The following RAD51B variants were observed in gnomAD, a reference collection of about 807,000 sequenced individuals.
The protein encoded by RAD51B is DNA repair protein RAD51 homolog 2.
A neutral mutation model predicts 42.2 loss-of-function variants in RAD51B; 38 were observed. The observed-to-expected ratio is 0.90, with a 90% CI of 0.70 to 1.18. RAD51B has a LOEUF of 1.18. Ranked by LOEUF, RAD51B falls within the 50% of genes most tolerant of loss-of-function variation. The pLI is 0.00. For missense variants in RAD51B, 373 were observed against 400.7 expected, an observed-to-expected ratio of 0.93 and a Z score of 0.59; for synonymous variants, 154 against 145.2, an observed-to-expected ratio of 1.06 and a Z score of -0.43.
At chr14:67,828,910 G>T (rs2140285681) in intron 3 of RAD51B, among the ~76,000 whole-genome samples, 1 of 152,284 alleles carries the variant, frequency 6.6e-6, no homozygotes, top group Admixed American at 6.5e-5. Context: ...TTTGAAGTTG[G>T]ATAGCATGAT....
chr14:68,527,368 G>A lies in RAD51B; in HGVS notation c.1036+59118G>A, dbSNP rs116752378. Among the ~76,000 whole-genome samples the A allele has an allele frequency of 3.7e-3, 557 of 152,340 alleles. 6 individuals carry two copies. The highest frequency in any genetic ancestry group is 0.013 in the African/African-American group (537 of 41,574). ...TGTGGGGGAAGGGGACAAAAGGAAA[G>A]AGAGAGTAGGGGAGGAGCGAGCTCC... On this transcript the variant is annotated intron_variant, in intron 10 of 10. Transcript: ENST00000487270.
At chr14:67,829,245 T>C (rs1489923817) in intron 3 of RAD51B, among the ~76,000 whole-genome samples, 1 of 149,060 alleles carries the variant, frequency 6.7e-6, no homozygotes, top group Non-Finnish European at 1.5e-5. Context: ...CTTTTCTTTC[T>C]TTCTTTTTTT....
intron 10 of RAD51B, among the ~76,000 whole-genome samples, chr14:68,526,662 G>T (rs900155265): frequency 6.6e-6 from 1 of 152,102 alleles, no homozygotes; most frequent in African/African-American, 2.4e-5. Flanking sequence ...GCTGACTCAC[G>T]CCCACTGGCA....
intron 7 of RAD51B, among the ~76,000 whole-genome samples, chr14:68,081,870 A>G (rs1240002477): frequency 6.6e-6 from 1 of 152,196 alleles, no homozygotes; most frequent in African/African-American, 2.4e-5. Flanking sequence ...CTACATATTG[A>G]CAGAATTTAC....
intron 7 of RAD51B, among the ~76,000 whole-genome samples, chr14:68,069,994 G>A (rs1397228581): frequency 6.6e-6 from 1 of 152,068 alleles, no homozygotes; most frequent in Non-Finnish European, 1.5e-5. Flanking sequence ...GATGTGAAAT[G>A]GTATTTCACT....
At chr14:68,511,468 G>A (rs1227145578) in intron 10 of RAD51B, among the ~76,000 whole-genome samples, 2 of 152,190 alleles carry the variant, frequency 1.3e-5, no homozygotes, top group Non-Finnish European at 2.9e-5. Flanking sequence ...GGTTAAGCCC[G>A]TATTATCTGA....
chr14:67,821,599 T>A (rs1194638917), intron 1 of RAD51B, among the ~76,000 whole-genome samples: 1 of 152,100 alleles, frequency 6.6e-6, no homozygotes, highest in Non-Finnish European at 1.5e-5. Flanking sequence ...CTAGGACTAC[T>A]ACAGGTGTGC....
rs556799491 is a variant in RAD51B at position 68,274,269 on chromosome 14, A to T, written c.757-17615A>T. Among the ~76,000 whole-genome samples, 90 of 152,222 alleles carry T rather than the reference A, an allele frequency of 5.9e-4. 1 individual carries two copies. Among genetic ancestry groups the T allele is most frequent in the Non-Finnish European group, 9.3e-4 (63 of 68,024 alleles). On this transcript the variant is annotated intron_variant, in intron 7 of 10. Transcript: ENST00000471583. ...ATCATAATATTCAGTTAATATTTAC[A>T]TTACTGTGACAATGTAAGCATTCAT...
At chr14:68,063,477 T>A (rs1373529897) in intron 7 of RAD51B, among the ~76,000 whole-genome samples, 2 of 152,172 alleles carry the variant, frequency 1.3e-5, no homozygotes, top group Non-Finnish European at 2.9e-5. Flanking sequence ...GGCTCACACC[T>A]GTAATCCCAG....
intron 10 of RAD51B, among the ~76,000 whole-genome samples, chr14:68,474,658 A>G (rs1385034148): frequency 6.6e-6 from 1 of 152,176 alleles, no homozygotes; most frequent in Non-Finnish European, 1.5e-5. Context: ...GGGCCCTCTC[A>G]TCTTCCATCA....
intron 10 of RAD51B, among the ~76,000 whole-genome samples, chr14:68,504,662 C>CTTTTTTTTTTTTTTTTTTTTTTTTCT (rs1885164867): frequency 1.1e-5 from 1 of 90,434 alleles, no homozygotes; most frequent in African/African-American, 4.1e-5. Context: ...TTTTTTCTTT[C>CTTTTTTTTTTTTTTTTTTTTTTTTCT]TTTTTTTTTT....
At chr14:68,279,323 T>C (rs1380012977) in intron 7 of RAD51B, among the ~76,000 whole-genome samples, 4 of 152,240 alleles carry the variant, frequency 2.6e-5, no homozygotes, top group Non-Finnish European at 4.4e-5. Context: ...CAGGCCTTGA[T>C]GAAGGCAGGA....
chr14:67,841,363 A>T (rs1452648896), intron 4 of RAD51B, among the ~76,000 whole-genome samples: 2 of 152,134 alleles, frequency 1.3e-5, no homozygotes, highest in Non-Finnish European at 2.9e-5. Context: ...ATTTTCTCCT[A>T]TTCTGTAGGG....
At chr14:68,568,918 G>A (rs972181299) in intron 10 of RAD51B, among the ~76,000 whole-genome samples, 1 of 152,124 alleles carries the variant, frequency 6.6e-6, no homozygotes, top group African/African-American at 2.4e-5. Flanking sequence ...CCCCCTGCAT[G>A]GCTTCCTCTC....
intron 7 of RAD51B, among the ~76,000 whole-genome samples, chr14:68,102,765 G>A (rs994148458): frequency 6.6e-6 from 1 of 152,002 alleles, no homozygotes; most frequent in African/African-American, 2.4e-5. Context: ...ACATTCTTGG[G>A]TATCCTTATA....
chr14:67,874,048 C>G (rs1013021098), intron 5 of RAD51B, among the ~76,000 whole-genome samples: 32 of 151,702 alleles, frequency 2.1e-4, no homozygotes, highest in African/African-American at 7.5e-4. Context: ...TGTAACTAAC[C>G]TGCACATTGT....
At chr14:68,448,150 A>C (rs989729928) in intron 9 of RAD51B, among the ~76,000 whole-genome samples, 18 of 152,236 alleles carry the variant, frequency 1.2e-4, no homozygotes, top group Non-Finnish European at 4.4e-5. Context: ...TAGGGAGCTG[A>C]GGATGGTCTT....
At chr14:67,967,965 C>A (rs2140244249) in intron 7 of RAD51B, among the ~76,000 whole-genome samples, 2 of 152,344 alleles carry the variant, frequency 1.3e-5, no homozygotes, top group Middle Eastern at 6.8e-3. Context: ...AAACTTTTGC[C>A]TGGGCATCCA....
chr14:68,496,707 C>T (rs1015748725), intron 10 of RAD51B, among the ~76,000 whole-genome samples: 5 of 152,238 alleles, frequency 3.3e-5, no homozygotes, highest in African/African-American at 1.2e-4. Context: ...GAATGAATTC[C>T]ATTAAGAACA....
Sources: gnomAD v4.1 joint callset for allele counts (sites outside exome capture counted in the v4.1 genomes callset) on GRCh38, gnomAD v4.1.1 for gene constraint, MANE v1.5 for transcripts, NCBI Gene and HGNC (gene_info 2026-07-23, HGNC 2026-07-21) for gene names.